ERG: variants seen among roughly 807,000 people sequenced by gnomAD.
ERG encodes transcriptional regulator ERG.
A neutral mutation model predicts 55.3 loss-of-function variants in ERG; 9 were observed. That is an observed-to-expected ratio of 0.16 (90% confidence interval 0.10 to 0.28). The LOEUF (loss-of-function observed/expected upper bound fraction) is 0.28. Among genes scored for constraint, ERG ranks in the 10% least tolerant of loss-of-function variants. The pLI is 1.00. For synonymous variants in ERG, 223 were observed against 237.3 expected, an observed-to-expected ratio of 0.94 and a Z score of 0.55; for missense variants, 434 against 631.6, an observed-to-expected ratio of 0.69 and a Z score of 3.35.
intron 3 of ERG, among the ~76,000 whole-genome samples, chr21:38,416,317 C>T (rs1989279874): frequency 6.6e-6 from 1 of 152,272 alleles, no homozygotes; most frequent in Non-Finnish European, 1.5e-5. Context: ...TCTATGGCCC[C>T]AGTGGCCCCA....
chr21:38,392,098 C>T (rs547388443), intron 7 of ERG, among the ~76,000 whole-genome samples: 16 of 152,184 alleles, frequency 1.1e-4, no homozygotes, highest in African/African-American at 2.9e-4. Context: ...AGGAAAACAC[C>T]GATTATTTAA....
chr21:38,429,891 C>T (rs1990125277), intron 2 of ERG, among the ~76,000 whole-genome samples: 1 of 152,044 alleles, frequency 6.6e-6, no homozygotes, highest in Admixed American at 6.6e-5. Flanking sequence ...GGGTAGATAA[C>T]CAGTGGTGGG....
At chr21:38,541,841 C>T (rs546607320) in intron 2 of ERG, among the ~76,000 whole-genome samples, 120 of 152,228 alleles carry the variant, frequency 7.9e-4, no homozygotes, top group African/African-American at 2.6e-3. Context: ...TTGATAGGTG[C>T]AGGGAACCAC....
At chr21:38,556,073 A>G (rs2059856352) in intron 2 of ERG, among the ~76,000 whole-genome samples, 1 of 152,196 alleles carries the variant, frequency 6.6e-6, no homozygotes, top group Non-Finnish European at 1.5e-5. Flanking sequence ...TAAAATGTAT[A>G]GAATATACAT....
chr21:38,657,526 A>G (rs1196235589), intron 1 of ERG, among the ~76,000 whole-genome samples: 2 of 152,226 alleles, frequency 1.3e-5, no homozygotes, highest in Non-Finnish European at 2.9e-5. Flanking sequence ...CAATGTTACA[A>G]ACATGAAGCA....
chr21:38,637,818 T>G (rs1011576883), intron 1 of ERG, among the ~76,000 whole-genome samples: 1 of 143,670 alleles, frequency 7.0e-6, no homozygotes, highest in Non-Finnish European at 1.5e-5. Flanking sequence ...TTTTTCTGCG[T>G]GTGTGTGTGT....
intron 2 of ERG, among the ~76,000 whole-genome samples, chr21:38,517,920 T>C (rs946544621): frequency 1.3e-5 from 2 of 151,910 alleles, no homozygotes; most frequent in African/African-American, 4.8e-5. Context: ...GTCATGGAGA[T>C]AGAGAGTGGA....
At chr21:38,582,530 G>A (rs1040412769) in intron 1 of ERG, among the ~76,000 whole-genome samples, 2 of 152,232 alleles carry the variant, frequency 1.3e-5, no homozygotes, top group African/African-American at 2.4e-5. Context: ...GAGTTGGCCT[G>A]TATCTATTCT....
chr21:38,521,125 T>C (rs2059591222), intron 2 of ERG, among the ~76,000 whole-genome samples: 1 of 151,718 alleles, frequency 6.6e-6, no homozygotes, highest in Non-Finnish European at 1.5e-5. Context: ...CAGCACAGAG[T>C]CGAGGAGGAG....
At chr21:38,370,938 A>C in the ERG span, among the ~76,000 whole-genome samples, 1 of 151,994 alleles carries the variant, frequency 6.6e-6, no homozygotes, top group Non-Finnish European at 1.5e-5. Context: ...GCTTGTAAAA[A>C]AAAAAATGTA....
intron 1 of ERG, among the ~76,000 whole-genome samples, chr21:38,583,161 T>A (rs1156739187): frequency 6.6e-6 from 1 of 152,344 alleles, no homozygotes; most frequent in East Asian, 1.9e-4. Context: ...TGAGCAGATA[T>A]TAGGCAAATC....
chr21:38,536,271 C>T (rs2836484), intron 2 of ERG, among the ~76,000 whole-genome samples: 58,589 of 149,538 alleles, frequency 0.39, 12,599 homozygotes, highest in Non-Finnish European at 0.49. Flanking sequence ...CATATCTCCA[C>T]CTAGGCTCTA....
At chr21:38,391,760 G>A (rs149748631) in intron 7 of ERG, 45 bp from the exon 8 acceptor site, 2 of 1,479,390 alleles carry the variant, frequency 1.4e-6, no homozygotes, top group South Asian at 2.3e-5. Flanking sequence ...TAACAGATTT[G>A]GTCACTAGTC....
At position 38,475,793 on chromosome 21, in the gene ERG, T is replaced by C. The variant is rs528697662; in HGVS notation, c.18+22570A>G. Reference sequence around the variant, plus strand: ...GTCTCCCCCATCTGCATCCCCCTGATTGACAGCACTGAGTGAGCCCAGCTG... The same window carrying C: ...GTCTCCCCCATCTGCATCCCCCTGACTGACAGCACTGAGTGAGCCCAGCTG... On this transcript the variant is annotated intron_variant, in intron 1 of 9. Transcript: ENST00000288319. Among the ~76,000 whole-genome samples the C allele has an allele frequency of 2.5e-3, 383 of 152,264 alleles. 4 individuals carry two copies. Among genetic ancestry groups the C allele is most frequent in the African/African-American group, 7.9e-3 (328 of 41,556 alleles).
At chr21:38,605,906 G>GATAGATAGATA (rs1171835873) in intron 1 of ERG, among the ~76,000 whole-genome samples, 1 of 130,944 alleles carries the variant, frequency 7.6e-6, no homozygotes, top group Non-Finnish European at 1.5e-5. Flanking sequence ...ATAAATAATA[G>GATAGATAGATA]ATAGATAGAT....
chr21:38,386,949 C>T (rs925033092), intron 9 of ERG, among the ~76,000 whole-genome samples: 25 of 152,140 alleles, frequency 1.6e-4, no homozygotes, highest in Non-Finnish European at 2.9e-5. Flanking sequence ...TGAAAGGGAG[C>T]GGCTGTGGCT....
intron 1 of ERG, among the ~76,000 whole-genome samples, chr21:38,457,404 C>G (rs1032602686): frequency 1.3e-5 from 2 of 150,468 alleles, no homozygotes; most frequent in East Asian, 2.0e-4. Flanking sequence ...CCACTGCACT[C>G]TGGCCTGGGC....
At chr21:38,376,557 C>G (rs991074744), downstream of ERG, among the ~76,000 whole-genome samples, 5 of 152,254 alleles carry the variant, frequency 3.3e-5, no homozygotes, top group African/African-American at 1.2e-4. Flanking sequence ...AGGAAAGGGA[C>G]GTTTCCATTT....
rs112374734 is a variant in ERG at position 38,648,901 on chromosome 21, A to T, written c.-150+12757T>A. On this transcript the variant is annotated intron_variant, in intron 1 of 10. Transcript: ENST00000398910. ...CTAACGACGACACTTCAGAACTGTG[A>T]GTCCAAACACTTAAGGAAGGACGTG... Among the ~76,000 whole-genome samples, 50 of 152,326 alleles carry T rather than the reference A, an allele frequency of 3.3e-4. 1 individual carries two copies. The highest frequency in any genetic ancestry group is 1.2e-3 in the African/African-American group (48 of 41,580).
Sources: gnomAD v4.1 joint callset for allele counts (sites outside exome capture counted in the v4.1 genomes callset) on GRCh38, gnomAD v4.1.1 for gene constraint, MANE v1.5 for transcripts, NCBI Gene and HGNC (gene_info 2026-07-23, HGNC 2026-07-21) for gene names.